Variants in PMP22 observed in about 807,000 individuals in gnomAD.
PMP22 encodes the protein Charcot-Marie-Tooth neuropathy 1A (greatly reduced nerve conduction velocity, hereditary motor sensory neuropathy Ia).
In PMP22, 2 loss-of-function variants were observed where a neutral mutation model predicts 18.9. That is an observed-to-expected ratio of 0.11 (90% CI 0.04 to 0.33). The LOEUF (loss-of-function observed/expected upper bound fraction) is 0.33, where lower values mean the gene tolerates loss of function less well. Ranked by LOEUF, PMP22 falls within the 10% of genes least tolerant of loss-of-function variation. PMP22 has a pLI of 1.00. For synonymous variants in PMP22, 95 were observed against 89.2 expected, an observed-to-expected ratio of 1.07 and a Z score of -0.37; for missense variants, 169 against 202.2, an observed-to-expected ratio of 0.84 and a Z score of 1.00.
intron 2 of PMP22, 35 bp downstream of exon 2, chr17:15,260,615 G>C: frequency 6.5e-7 from 1 of 1,530,780 alleles, no homozygotes; most frequent in Non-Finnish European, 8.9e-7. Context: ...GGGGAAGGGC[G>C]GGCCGCGCAG....
intron 3 of PMP22, among the ~76,000 whole-genome samples, chr17:15,255,695 C>T (rs1240828408): frequency 6.6e-6 from 1 of 152,216 alleles, no homozygotes. Context: ...CATCCCCTGC[C>T]TTGTTCTACC....
chr17:15,257,315 G>A (rs1264935199), intron 3 of PMP22, among the ~76,000 whole-genome samples: 1 of 152,216 alleles, frequency 6.6e-6, no homozygotes, highest in African/African-American at 2.4e-5. Context: ...CTTTCCTGCA[G>A]ATGGTTTAAG....
At chr17:15,260,831 G>T in intron 1 of PMP22, 70 bp from the exon 2 acceptor site, 1 of 1,082,956 alleles carries the variant, frequency 9.2e-7, no homozygotes, top group Non-Finnish European at 1.4e-6. Context: ...GCAGAGGGAG[G>T]GTCCCGCGCA....
chr17:15,252,128 C>T (rs2150696957), intron 3 of PMP22, among the ~76,000 whole-genome samples: 1 of 152,176 alleles, frequency 6.6e-6, no homozygotes, highest in Non-Finnish European at 1.5e-5. Flanking sequence ...AACATGAACC[C>T]ATAAATGCAG....
rs1909311140 is a variant in PMP22 at position 15,261,190 on chromosome 17, G to GT, written c.-34-430dup. On this transcript the variant is annotated intron_variant, in intron 1 of 4. Coordinates refer to ENST00000312280, the MANE Select transcript of PMP22 (RefSeq NM_000304.4). This position sits in a 1 kb window ranked among gnomAD's most constrained non-coding sequence, Gnocchi z 5.2. ...TTCAGATGGTGAATTCCCCTATGGG[G>GT]TGGAGGTAGGGGTGAGGGGAGTAGG... The GT allele has an allele frequency of 6.4e-6, 1 of 156,070 alleles. No individual in the cohort carries two copies. The highest frequency in any genetic ancestry group is 2.0e-4 in the South Asian group (1 of 4,918). 9.7% of individuals were successfully genotyped at this position (156,070 alleles called of 1,614,324 possible).
chr17:15,243,246 A>G (rs1877355463), intron 3 of PMP22, among the ~76,000 whole-genome samples: 1 of 152,206 alleles, frequency 6.6e-6, no homozygotes. Flanking sequence ...TTGGGGATAC[A>G]TCAACAAGTT....
chr17:15,235,641 C>T (rs1038362000), intron 4 of PMP22, among the ~76,000 whole-genome samples: 14 of 152,202 alleles, frequency 9.2e-5, no homozygotes, highest in African/African-American at 3.4e-4. Flanking sequence ...ATGGCTATGT[C>T]AGTGGTTCCC....
At chr17:15,253,854 T>C (rs1050632161) in intron 3 of PMP22, among the ~76,000 whole-genome samples, 7 of 152,172 alleles carry the variant, frequency 4.6e-5, no homozygotes, top group African/African-American at 7.2e-5. Context: ...TACCCTGTCT[T>C]ATATAGTTCT....
At chr17:15,240,979 A>T (rs1440343360) in intron 3 of PMP22, among the ~76,000 whole-genome samples, 1 of 152,196 alleles carries the variant, frequency 6.6e-6, no homozygotes, top group East Asian at 1.9e-4. Context: ...ATTTTCACCT[A>T]AGATGTTTCC....
At chr17:15,260,369 CA>C in intron 2 of PMP22, 1 of 502,566 alleles carries the variant, frequency 2.0e-6, no homozygotes, top group Non-Finnish European at 3.6e-6. Flanking sequence ...ACAATCTTGT[CA>C]AATGAAGGTC....
At chr17:15,238,399 G>A (rs1906991252) in intron 4 of PMP22, among the ~76,000 whole-genome samples, 1 of 152,186 alleles carries the variant, frequency 6.6e-6, no homozygotes, top group Non-Finnish European at 1.5e-5. Flanking sequence ...ACAGAGTGGT[G>A]AAATGGTACC....
chr17:15,233,662 T>G (rs1906546821), intron 4 of PMP22, among the ~76,000 whole-genome samples: 1 of 152,224 alleles, frequency 6.6e-6, no homozygotes, highest in Non-Finnish European at 1.5e-5. Flanking sequence ...GCGGGCCCTG[T>G]TCTAGCTGCT....
intron 4 of PMP22, chr17:15,239,211 C>A: frequency 1.6e-6 from 1 of 609,250 alleles, no homozygotes; most frequent in Non-Finnish European, 2.9e-6. Flanking sequence ...TGGGTGGGGA[C>A]CTTCCTTCCA....
chr17:15,246,133 A>G (rs1370874447), intron 3 of PMP22, among the ~76,000 whole-genome samples: 1 of 152,252 alleles, frequency 6.6e-6, no homozygotes, highest in Non-Finnish European at 1.5e-5. Flanking sequence ...GTATCAATTC[A>G]TATCTCCTCT....
chr17:15,264,628 A>G (rs1909590369), intron 1 of PMP22, among the ~76,000 whole-genome samples: 1 of 152,218 alleles, frequency 6.6e-6, no homozygotes, highest in Admixed American at 6.5e-5. Flanking sequence ...AGTTTAATCA[A>G]TAACCACCCA....
At chr17:15,262,419 A>C (rs1193419790) in intron 1 of PMP22, 1 of 152,110 alleles carries the variant, frequency 6.6e-6, no homozygotes, top group Non-Finnish European at 1.5e-5. Flanking sequence ...CTCCCCACCA[A>C]ATCACTTACA....
At chr17:15,235,928 ATTTT>A (rs1204867019) in intron 4 of PMP22, among the ~76,000 whole-genome samples, 3 of 150,982 alleles carry the variant, frequency 2.0e-5, no homozygotes, top group Non-Finnish European at 4.4e-5. Context: ...CTATTTTTTT[ATTTT>A]TATTTTTAGT....
At chr17:15,257,234 C>T (rs1328749919) in intron 3 of PMP22, among the ~76,000 whole-genome samples, 1 of 152,240 alleles carries the variant, frequency 6.6e-6, no homozygotes, top group African/African-American at 2.4e-5. Flanking sequence ...CTAGCACCAA[C>T]TGACAGCTAT....
intron 3 of PMP22, among the ~76,000 whole-genome samples, chr17:15,251,087 G>T (rs189722904): frequency 1.4e-4 from 22 of 152,044 alleles, no homozygotes. Context: ...CCTCTCTCCC[G>T]CATTCCCCAC....
Sources: gnomAD v4.1 joint callset for allele counts (sites outside exome capture counted in the v4.1 genomes callset) on GRCh38, gnomAD v4.1.1 for gene constraint, Gnocchi (gnomAD v3.1) non-coding constraint, MANE v1.5 for transcripts, NCBI Gene and HGNC (gene_info 2026-07-23, HGNC 2026-07-21) for gene names.